Variants in MACROD2 observed in about 807,000 individuals in gnomAD.
The protein encoded by MACROD2 is mono-ADP ribosylhydrolase 2.
A neutral mutation model predicts 70.4 loss-of-function variants in MACROD2; 36 were observed. The ratio of observed to expected loss-of-function variants is 0.51; its 90% CI spans 0.39 to 0.68. The LOEUF (loss-of-function observed/expected upper bound fraction) is 0.68. Among genes scored for constraint, MACROD2 ranks in the 30% least tolerant of loss-of-function variants. The pLI, the probability that MACROD2 is intolerant of heterozygous loss-of-function variation, is 0.00. For missense variants in MACROD2, 496 were observed against 538.4 expected (o/e 0.92, Z 0.78); for synonymous variants, 172 against 178.8 (o/e 0.96, Z 0.30).
chr20:15,599,962 G>A (rs528930838), intron 8 of MACROD2, among the ~76,000 whole-genome samples: 1 of 152,142 alleles, frequency 6.6e-6, no homozygotes, highest in South Asian at 2.1e-4. Flanking sequence ...TCTAGGATGG[G>A]GCACACAACC....
Position 14,609,593 on chromosome 20 carries a change from A to G in MACROD2, c.302-75250A>G, listed in dbSNP as rs560540350. ...CTGAACTTCATTGGCTTTGATTTCCATTGCAACCTAATTTTTGAAATACCA... is the reference window on the plus strand; with the variant it reads ...CTGAACTTCATTGGCTTTGATTTCCGTTGCAACCTAATTTTTGAAATACCA... On this transcript the variant is annotated intron_variant, in intron 4 of 17. Coordinates refer to ENST00000684519, the MANE Select transcript of MACROD2 (RefSeq NM_001351661.2). Among the ~76,000 whole-genome samples, 8 of 152,138 alleles carry G rather than the reference A, an allele frequency of 5.3e-5. No homozygotes were observed. The East Asian group carries it at 1.5e-3, about 29-fold the overall frequency.
At chr20:14,096,493 A>C (rs1218080257) in intron 3 of MACROD2, among the ~76,000 whole-genome samples, 2 of 150,080 alleles carry the variant, frequency 1.3e-5, no homozygotes, top group African/African-American at 4.9e-5. Flanking sequence ...CAGCTTACTG[A>C]GTAGCTGGGA....
intron 6 of MACROD2, among the ~76,000 whole-genome samples, chr20:15,357,338 A>G (rs1391636687): frequency 6.6e-6 from 1 of 152,174 alleles, no homozygotes; most frequent in Admixed American, 6.5e-5. Context: ...AGTTTGTCTT[A>G]AAATTCAATT....
chr20:15,876,107 A>ATG (rs1287333790), intron 9 of MACROD2, among the ~76,000 whole-genome samples: 7 of 78,914 alleles, frequency 8.9e-5, no homozygotes, highest in East Asian at 7.6e-4. Context: ...ATATATATAT[A>ATG]TATATGTGTG....
At chr20:14,524,725 T>TCACCCCA (rs1309224275) in intron 4 of MACROD2, among the ~76,000 whole-genome samples, 4 of 152,130 alleles carry the variant, frequency 2.6e-5, no homozygotes, top group African/African-American at 9.7e-5. Flanking sequence ...TTTAGAACAC[T>TCACCCCA]CACCCCACCC....
intron 5 of MACROD2, among the ~76,000 whole-genome samples, chr20:15,221,837 T>C (rs1297253204): frequency 6.6e-6 from 1 of 152,194 alleles, no homozygotes; most frequent in African/African-American, 2.4e-5. Context: ...TATCACATTC[T>C]CATGTAAAAA....
chr20:14,499,605 A>G (rs1462861467), intron 4 of MACROD2, among the ~76,000 whole-genome samples: 1 of 152,086 alleles, frequency 6.6e-6, no homozygotes, highest in Non-Finnish European at 1.5e-5. Context: ...CTGCTAAAGG[A>G]GGCCAGGAGG....
At chr20:15,775,506 C>G (rs1381115178) in intron 8 of MACROD2, among the ~76,000 whole-genome samples, 1 of 152,116 alleles carries the variant, frequency 6.6e-6, no homozygotes, top group African/African-American at 2.4e-5. Flanking sequence ...CAAGGCATGT[C>G]TGACCTCCCA....
At position 14,684,711 on chromosome 20, in the gene MACROD2, C is replaced by A. The variant is rs547844061; in HGVS notation, c.302-132C>A. ...AAGCTAGTGTTTGAAACATTGGACA[C>A]CCTGGGTTTTCTTCCACGGGCTATG... On this transcript the variant is annotated intron_variant, in intron 4 of 17. Transcript: ENST00000684519. The A allele has an allele frequency of 5.0e-4, 297 of 594,872 alleles. 2 individuals are homozygous for A. Among genetic ancestry groups the A allele is most frequent in the Non-Finnish European group, 7.9e-4 (265 of 333,468 alleles). The allele number at this position is 594,872 out of a possible 1,614,324, so 36.8% of individuals were successfully genotyped here. A position where few individuals can be genotyped will look rare whatever the true frequency, so the allele number is the denominator to read the frequency against.
At chr20:14,807,083 G>A (rs1442170456) in intron 5 of MACROD2, among the ~76,000 whole-genome samples, 1 of 152,110 alleles carries the variant, frequency 6.6e-6, no homozygotes. Context: ...CACAGTGCTG[G>A]AGCTCTGCCA....
At chr20:15,010,441 A>T (rs1318426303) in intron 5 of MACROD2, among the ~76,000 whole-genome samples, 1 of 152,226 alleles carries the variant, frequency 6.6e-6, no homozygotes, top group African/African-American at 2.4e-5. Context: ...CAAGATCACT[A>T]TAGCCGTGGT....
chr20:14,957,971 G>A (rs2074551921), intron 5 of MACROD2, among the ~76,000 whole-genome samples: 1 of 151,868 alleles, frequency 6.6e-6, no homozygotes, highest in Non-Finnish European at 1.5e-5. Flanking sequence ...TATTAGGTTG[G>A]TGCAAAAATA....
intron 6 of MACROD2, among the ~76,000 whole-genome samples, chr20:15,298,163 C>T (rs543033166): frequency 2.0e-5 from 3 of 152,178 alleles, no homozygotes; most frequent in African/African-American, 7.2e-5. Flanking sequence ...TGATCTTTGG[C>T]TCCTTTTGAA....
chr20:15,478,458 G>A (rs548727616), intron 7 of MACROD2, among the ~76,000 whole-genome samples: 1 of 152,292 alleles, frequency 6.6e-6, no homozygotes, highest in South Asian at 2.1e-4. Flanking sequence ...TGTGACATGT[G>A]GGATGGATCA....
intron 8 of MACROD2, among the ~76,000 whole-genome samples, chr20:15,514,127 A>G (rs1234506544): frequency 1.3e-5 from 2 of 152,264 alleles, no homozygotes; most frequent in Admixed American, 6.5e-5. Flanking sequence ...TACAAGAGTC[A>G]AAAGTTTAAA....
chr20:14,166,962 A>G (rs2055277611), intron 3 of MACROD2, among the ~76,000 whole-genome samples: 1 of 152,210 alleles, frequency 6.6e-6, no homozygotes. Context: ...ATCTAAACTC[A>G]TTAGCCTGGA....
chr20:15,902,306 ATATAT>A (rs1180833338), intron 10 of MACROD2, among the ~76,000 whole-genome samples: 1 of 151,944 alleles, frequency 6.6e-6, no homozygotes, highest in Admixed American at 6.6e-5. Flanking sequence ...ATATGTATTA[ATATAT>A]TATAAGCCCC....
chr20:15,418,520 C>T (rs1439767386), intron 6 of MACROD2, among the ~76,000 whole-genome samples: 5 of 152,078 alleles, frequency 3.3e-5, no homozygotes, highest in African/African-American at 4.8e-5. Flanking sequence ...TCTCTGAGAC[C>T]GTCTGTGTTG....
chr20:14,720,293 A>G (rs1013613616), intron 5 of MACROD2, among the ~76,000 whole-genome samples: 1 of 152,114 alleles, frequency 6.6e-6, no homozygotes, highest in African/African-American at 2.4e-5. Flanking sequence ...TTGACTAAAC[A>G]AGTACTTTTT....
Sources: allele counts gnomAD v4.1 joint callset (sites outside exome capture counted in the v4.1 genomes callset), GRCh38; gene constraint gnomAD v4.1.1; transcripts MANE v1.5; gene names NCBI Gene and HGNC (gene_info 2026-07-23, HGNC 2026-07-21).